The following TMPRSS11D variants were observed in gnomAD, a reference collection of about 807,000 sequenced individuals.
The protein encoded by TMPRSS11D is transmembrane protease serine 11D.
Under a neutral mutation model 44.4 loss-of-function variants are expected in TMPRSS11D, and 32 were observed. The ratio of observed to expected loss-of-function variants is 0.72; its 90% CI spans 0.54 to 0.97. The LOEUF (loss-of-function observed/expected upper bound fraction) is 0.97, where lower values mean the gene tolerates loss of function less well. Ranked by LOEUF, TMPRSS11D falls within the 50% of genes least tolerant of loss-of-function variation. The pLI is 0.00. For synonymous variants in TMPRSS11D, 179 were observed against 177.9 expected (o/e 1.01, Z -0.05); for missense variants, 446 against 502.6 (o/e 0.89, Z 1.08).
chr4:67,850,015 C>T lies in TMPRSS11D; in HGVS notation c.249+4053G>A, dbSNP rs542020362. Among the ~76,000 whole-genome samples, 4 of 152,206 alleles carry T rather than the reference C, an allele frequency of 2.6e-5. No individual in the cohort carries two copies. The South Asian group carries it at 8.3e-4, about 32-fold the overall frequency. ...TTCAAAGTGTTTTTACAAAGGGATA[C>T]ATATGTAAGATTAACTAGGGAACTC... On this transcript the variant is annotated intron_variant, in intron 3 of 9. Transcript: ENST00000283916.
rs186848529 is a variant in TMPRSS11D at position 67,821,944 on chromosome 4, T to C, written c.*393A>G. On this transcript the variant is annotated 3_prime_UTR_variant, in exon 10 of 10. Coordinates refer to ENST00000283916, the MANE Select transcript of TMPRSS11D (RefSeq NM_004262.3). Reference sequence around the variant, plus strand: ...TTTTCCTTTGCATGTTTCCACAGTTTGCTTACTTCTCATCCTCAGTGAAAC... The same window carrying C: ...TTTTCCTTTGCATGTTTCCACAGTTCGCTTACTTCTCATCCTCAGTGAAAC... The C allele has an allele frequency of 2.0e-4, 31 of 157,608 alleles. 1 individual carries two copies. The East Asian group carries it at 5.6e-3, about 29-fold the overall frequency. 9.8% of individuals were successfully genotyped at this position (157,608 alleles called of 1,614,324 possible).
intron 6 of TMPRSS11D, 161 bp from the exon 7 acceptor site, chr4:67,833,542 G>T: frequency 1.8e-6 from 1 of 570,806 alleles, no homozygotes; most frequent in Non-Finnish European, 2.7e-6. Context: ...TTTCTACAAT[G>T]CATTTGTGAC....
At chr4:67,848,053 C>T (rs28434524) in intron 3 of TMPRSS11D, among the ~76,000 whole-genome samples, 4,605 of 152,266 alleles carry the variant, frequency 0.03, 226 homozygotes, top group African/African-American at 0.1. Context: ...TACCCGAAAT[C>T]CCTGATGGTA....
chr4:67,835,197 T>C (rs1718046947), intron 5 of TMPRSS11D, 76 bp from the exon 6 acceptor site: 3 of 1,326,820 alleles, frequency 2.3e-6, no homozygotes, highest in African/African-American at 2.9e-5. Context: ...TAAAGTACAG[T>C]ACCCAGACAA....
intron 1 of TMPRSS11D, among the ~76,000 whole-genome samples, chr4:67,864,137 A>G (rs1282385466): frequency 2.0e-5 from 3 of 152,000 alleles, no homozygotes; most frequent in Non-Finnish European, 4.4e-5. Context: ...TTACACTATC[A>G]AGAGAAAAAA....
intron 2 of TMPRSS11D, among the ~76,000 whole-genome samples, chr4:67,855,503 C>T (rs1435511366): frequency 1.3e-5 from 2 of 151,994 alleles, no homozygotes; most frequent in African/African-American, 2.4e-5. Context: ...TTCCATATCC[C>T]ATCATAACAA....
Position 67,824,843 on chromosome 4 carries a change from C to A in TMPRSS11D, c.1095+889G>T, listed in dbSNP as rs1410446907. 2.0e-5 allele frequency among the ~76,000 whole-genome samples: 3 copies of A among 152,110 alleles called. No individual in the cohort carries two copies. In the East Asian group the frequency reaches 5.8e-4, roughly 29 times the overall value. On this transcript the variant is annotated intron_variant, in intron 9 of 9. Transcript: ENST00000283916. ...CAGATTGATTTTTTAAAACTCCAGACTAAAAGAATATTTAATTTCTGACAC... is the reference window on the plus strand; with the variant it reads ...CAGATTGATTTTTTAAAACTCCAGAATAAAAGAATATTTAATTTCTGACAC...
chr4:67,855,808 C>T (rs915178670), intron 2 of TMPRSS11D, among the ~76,000 whole-genome samples: 2 of 152,088 alleles, frequency 1.3e-5, no homozygotes, highest in Non-Finnish European at 2.9e-5. Context: ...AACCTAAAGA[C>T]TCCACCAAAA....
chr4:67,839,968 C>T (rs961403927), intron 4 of TMPRSS11D, among the ~76,000 whole-genome samples: 1 of 141,280 alleles, frequency 7.1e-6, no homozygotes, highest in Non-Finnish European at 1.6e-5. Flanking sequence ...TCTCCTAATG[C>T]TATCCCTCCC....
At chr4:67,847,418 G>A (rs1387217414) in intron 3 of TMPRSS11D, among the ~76,000 whole-genome samples, 1 of 152,204 alleles carries the variant, frequency 6.6e-6, no homozygotes, top group African/African-American at 2.4e-5. Context: ...CAAAGTGCAA[G>A]TTTTAAAATT....
At chr4:67,882,636 T>C (rs1719347136) in intron 1 of TMPRSS11D, among the ~76,000 whole-genome samples, 1 of 152,166 alleles carries the variant, frequency 6.6e-6, no homozygotes, top group Non-Finnish European at 1.5e-5. Flanking sequence ...AAAATCAGAG[T>C]AATTTCTTTA....
intron 7 of TMPRSS11D, among the ~76,000 whole-genome samples, chr4:67,832,907 T>C (rs1178093183): frequency 4.6e-5 from 7 of 151,978 alleles, no homozygotes. Flanking sequence ...AAAATAAAGC[T>C]TATGGAGATT....
intron 4 of TMPRSS11D, among the ~76,000 whole-genome samples, chr4:67,840,779 T>A (rs1392523106): frequency 1.3e-5 from 2 of 152,076 alleles, no homozygotes; most frequent in Non-Finnish European, 2.9e-5. Context: ...TCTCATGTAC[T>A]CCAAAAATAC....
intron 1 of TMPRSS11D, among the ~76,000 whole-genome samples, chr4:67,861,820 G>A: frequency 6.6e-6 from 1 of 152,056 alleles, no homozygotes; most frequent in East Asian, 1.9e-4. Flanking sequence ...ACATAAGAAT[G>A]AATTGTTCCA....
At chr4:67,847,076 T>G in intron 3 of TMPRSS11D, among the ~76,000 whole-genome samples, 1 of 152,136 alleles carries the variant, frequency 6.6e-6, no homozygotes, top group East Asian at 1.9e-4. Flanking sequence ...GGCTAATTTT[T>G]GTATTTTTGT....
At chr4:67,847,015 C>T (rs1046247365) in intron 3 of TMPRSS11D, among the ~76,000 whole-genome samples, 4 of 152,008 alleles carry the variant, frequency 2.6e-5, no homozygotes, top group Non-Finnish European at 5.9e-5. Flanking sequence ...AGTGATTCTC[C>T]TGCCTCTGCC....
chr4:67,834,115 CTGA>C (rs1260513652), intron 6 of TMPRSS11D, among the ~76,000 whole-genome samples: 6 of 152,164 alleles, frequency 3.9e-5, no homozygotes, highest in Admixed American at 2.0e-4. Context: ...CTGGGGTAGG[CTGA>C]TCACCCAATT....
intron 5 of TMPRSS11D, 133 bp downstream of exon 5, chr4:67,838,039 G>T: frequency 1.4e-6 from 1 of 704,180 alleles, no homozygotes. Context: ...GGTATATTTA[G>T]CTTTTTAATG....
intron 3 of TMPRSS11D, among the ~76,000 whole-genome samples, chr4:67,844,120 T>A (rs1170042591): frequency 6.6e-6 from 1 of 152,182 alleles, no homozygotes; most frequent in East Asian, 1.9e-4. Flanking sequence ...AAGAATGGAT[T>A]ATGCTGGCTT....
Sources: allele counts gnomAD v4.1 joint callset (sites outside exome capture counted in the v4.1 genomes callset), GRCh38; gene constraint gnomAD v4.1.1; transcripts MANE v1.5; gene names NCBI Gene and HGNC (gene_info 2026-07-23, HGNC 2026-07-21).